The following KIAA1210 variants were observed in gnomAD, a reference collection of about 807,000 sequenced individuals.
KIAA1210 encodes KIAA1210.
KIAA1210 carries 48 observed loss-of-function variants against 78.9 expected under a neutral mutation model. The observed-to-expected ratio is 0.61, with a 90% confidence interval of 0.48 to 0.77. KIAA1210 has a LOEUF of 0.77. Among genes scored for constraint, KIAA1210 ranks in the 30% least tolerant of loss-of-function variants. The pLI is 0.00. For missense variants in KIAA1210, 1,108 were observed against 1,100.0 expected (o/e 1.01, Z -0.10); for synonymous variants, 406 against 404.5 (o/e 1.00, Z -0.04).
At chrX:119,115,041 G>A (rs1304957627) in intron 3 of KIAA1210, among the ~76,000 whole-genome samples, 1 of 111,312 alleles carries the variant, frequency 9.0e-6, no homozygotes, top group African/African-American at 3.3e-5. Context: ...TACAGGCCAG[G>A]GGAAGGCTGG....
rs758092443 is a variant in KIAA1210, at chrX:119,089,202, A to G, written c.1500T>C (p.Leu500=). Residue 500 remains leucine (L), a synonymous_variant, in exon 9 of 12, where the codon CTT becomes CTC. Transcript: ENST00000691062. ...RASLSLMVES[L]STTQEEAILS... ...GAATGGCCTCCTCTTGGGTTGTAGA[A>G]AGGCTTTCCACCATCAGTGAGAGAG... is the stretch of plus-strand genomic sequence containing the variant. The G allele has an allele frequency of 6.0e-5, 73 of 1,209,351 alleles. No individual in the cohort carries two copies. The highest frequency in any genetic ancestry group is 8.0e-5 in the Non-Finnish European group (72 of 894,914).
chrX:119,140,278 C>G (rs1929016863), intron 2 of KIAA1210, among the ~76,000 whole-genome samples: 1 of 111,370 alleles, frequency 9.0e-6, no homozygotes, highest in South Asian at 3.8e-4. Flanking sequence ...CCTGTAATCC[C>G]AGCACCCTGG....
upstream of KIAA1210, among the ~76,000 whole-genome samples, chrX:119,132,473 G>C (rs1928815817): frequency 9.0e-6 from 1 of 111,077 alleles, no homozygotes; most frequent in South Asian, 3.9e-4. Context: ...CCCACTGCAA[G>C]CACTTCTTTA....
At chrX:119,139,284 C>T (rs1033136978) in intron 2 of KIAA1210, among the ~76,000 whole-genome samples, 4 of 111,493 alleles carry the variant, frequency 3.6e-5, no homozygotes, top group Non-Finnish European at 7.5e-5. Context: ...CAGGGCATGG[C>T]TGAAACAGAA....
intron 2 of KIAA1210, among the ~76,000 whole-genome samples, chrX:119,134,275 G>A (rs1192589669): frequency 1.8e-5 from 2 of 111,981 alleles, no homozygotes; most frequent in East Asian, 2.8e-4. Flanking sequence ...ACATCCTCCA[G>A]GCTCATTCAC....
intron 3 of KIAA1210, among the ~76,000 whole-genome samples, chrX:119,113,343 T>C (rs1050500931): frequency 8.9e-6 from 1 of 112,063 alleles, no homozygotes; most frequent in African/African-American, 3.2e-5. Context: ...AATATATGAA[T>C]TATATCTCAA....
At chrX:119,136,159 C>T (rs1304012988) in intron 2 of KIAA1210, among the ~76,000 whole-genome samples, 1 of 111,953 alleles carries the variant, frequency 8.9e-6, no homozygotes, top group Non-Finnish European at 1.9e-5. Flanking sequence ...ATCTCCTGCT[C>T]TTAGAATTCA....
rs140376287 is a variant in KIAA1210, at chrX:119,106,953, C to T, written c.492+1384G>A. ...ATTGACCCCACTGGCCAATTTCATG[C>T]TTGCCCCAGCTTTTATGTAGCACTG... On this transcript the variant is annotated intron_variant, in intron 5 of 11. Transcript: ENST00000691062. 3.1e-3 allele frequency among the ~76,000 whole-genome samples: 345 copies of T among 112,639 alleles called. 4 individuals carry two copies. Among genetic ancestry groups the T allele is most frequent in the African/African-American group, 0.011 (328 of 31,032 alleles).
At chrX:119,134,901 A>C (rs138389554) in intron 2 of KIAA1210, among the ~76,000 whole-genome samples, 6 of 112,561 alleles carry the variant, frequency 5.3e-5, no homozygotes, top group African/African-American at 1.9e-4. Flanking sequence ...GGGGCAATTA[A>C]TATTATGCAA....
At chrX:119,125,897 G>A (rs749551024) in intron 1 of KIAA1210, among the ~76,000 whole-genome samples, 8 of 93,281 alleles carry the variant, frequency 8.6e-5, no homozygotes, top group African/African-American at 3.1e-4. Flanking sequence ...AGTTTGTGTG[G>A]GGGGTGGGGG....
rs753078524 is a variant in KIAA1210 at position 119,081,413 on chromosome X, T to G, written c.4518A>C (p.Pro1506=). ...SSTLPAKFQN[P]VEPIEPVWFS... Reference sequence around the variant, plus strand: ...ACCAGACAGGCTCAATTGGCTCAACTGGGTTCTGGAACTTGGCTGGGAGAG... The same window carrying G: ...ACCAGACAGGCTCAATTGGCTCAACGGGGTTCTGGAACTTGGCTGGGAGAG... Residue 1506 remains proline, a synonymous_variant, in exon 12 of 12, where the codon CCA becomes CCC. Coordinates refer to ENST00000691062, the MANE Select transcript of KIAA1210 (RefSeq NM_001394962.1). The G allele has an allele frequency of 1.5e-5, 18 of 1,211,122 alleles. No homozygotes were observed. The highest frequency in any genetic ancestry group is 1.8e-5 in the Non-Finnish European group (16 of 894,955).
chrX:119,105,375 C>A (rs1472123747), intron 5 of KIAA1210, among the ~76,000 whole-genome samples: 2 of 112,112 alleles, frequency 1.8e-5, no homozygotes, highest in African/African-American at 6.5e-5. Flanking sequence ...CTCTGGGGTG[C>A]TGCACACTTT....
chrX:119,095,363 C>T (rs1398283974), intron 7 of KIAA1210, among the ~76,000 whole-genome samples: 1 of 112,184 alleles, frequency 8.9e-6, no homozygotes, highest in Non-Finnish European at 1.9e-5. Flanking sequence ...ACAACTGACA[C>T]ATCGTTTTAA....
Position 119,108,327 on chromosome X carries a change from A to G in KIAA1210, c.492+10T>C. 1 of 1,205,444 alleles carries G rather than the reference A, an allele frequency of 8.3e-7. No homozygotes were observed. The highest frequency in any genetic ancestry group is 1.1e-6 in the Non-Finnish European group (1 of 891,924). ...AGCTGCCCATGCGCTGAACAATTCC[A>G]CTTTGTTACCTCAGTGATCTTGGGG... On this transcript the variant is annotated intron_variant, in intron 5 of 11. Coordinates refer to ENST00000691062, the MANE Select transcript of KIAA1210 (RefSeq NM_001394962.1).
intron 1 of KIAA1210, among the ~76,000 whole-genome samples, 152 bp from the exon 2 acceptor site, chrX:119,123,804 T>C (rs1006605321): frequency 8.9e-6 from 1 of 112,153 alleles, no homozygotes; most frequent in African/African-American, 3.2e-5. Flanking sequence ...CAGAGAATTA[T>C]CCTTCCTTTA....
intron 1 of KIAA1210, among the ~76,000 whole-genome samples, chrX:119,126,948 C>A (rs1385302142): frequency 9.0e-6 from 1 of 111,133 alleles, no homozygotes; most frequent in African/African-American, 3.3e-5. Flanking sequence ...GTGGTGCATG[C>A]CTGTAGTCCC....
At chrX:119,108,148 A>G (rs1927946428) in intron 5 of KIAA1210, among the ~76,000 whole-genome samples, 189 bp downstream of exon 5, 1 of 111,626 alleles carries the variant, frequency 9.0e-6, no homozygotes, top group Non-Finnish European at 1.9e-5. Flanking sequence ...TCTTCATTCA[A>G]TCCTCACAAG....
At chrX:119,145,197 T>C (rs1358750171) in intron 2 of KIAA1210, among the ~76,000 whole-genome samples, 2 of 110,851 alleles carry the variant, frequency 1.8e-5, no homozygotes, top group African/African-American at 6.6e-5. Flanking sequence ...TCCTCAGACT[T>C]CTACTTTGGG....
rs1457467218 is a variant in KIAA1210 at position 119,108,344 on chromosome X, A to T, written c.485T>A (p.Ile162Asn). ...ACAATTCCACTTTGTTACCTCAGTGATCTTGGGGCCAGCAACCCAGACTGC... is the reference window on the plus strand; with the variant it reads ...ACAATTCCACTTTGTTACCTCAGTGTTCTTGGGGCCAGCAACCCAGACTGC... ...TSAVWVAGPK[I>N]TENPPSRRRR... The change falls in exon 5 of 12, where the codon ATC (isoleucine) becomes AAC (asparagine). Residue 162 changes from isoleucine (I) to asparagine (N), a missense_variant. Ile to Asn is a moderately radical substitution (Grantham distance 149). Around this residue, in one of 5 missense-constraint regions of KIAA1210, gnomAD observed 672 missense variants for 607.1 expected, o/e 1.11. Transcript: ENST00000691062. 3 of 1,207,233 alleles carry T rather than the reference A, an allele frequency of 2.5e-6. No individual in the cohort carries two copies. The African/African-American group carries it at 5.3e-5, about 21-fold the overall frequency.
Sources: gnomAD v4.1 joint callset for allele counts (sites outside exome capture counted in the v4.1 genomes callset) on GRCh38, gnomAD v4.1.1 for gene constraint, gnomAD v4.1.1 regional missense constraint, MANE v1.5 for transcripts, NCBI Gene and HGNC (gene_info 2026-07-23, HGNC 2026-07-21) for gene names.